GRM5: variants seen among roughly 807,000 people sequenced by gnomAD.
The protein encoded by GRM5 is glutamate metabotropic receptor 5, also known as metabotropic glutamate receptor 5.
A neutral mutation model predicts 83.1 loss-of-function variants in GRM5; 19 were observed. The observed-to-expected ratio is 0.23, with a 90% CI of 0.16 to 0.34. GRM5 has a LOEUF of 0.34. GRM5 is among the 10% of genes least tolerant of loss of function. The pLI is 1.00. For synonymous variants in GRM5, 675 were observed against 633.6 expected (o/e 1.07, Z -0.98); for missense variants, 1,160 against 1,588.3 (o/e 0.73, Z 4.58).
chr11:88,625,162 T>C (rs1938758382), intron 4 of GRM5, among the ~76,000 whole-genome samples: 1 of 152,180 alleles, frequency 6.6e-6, no homozygotes, highest in Admixed American at 6.5e-5. Context: ...TTGGCAGCTC[T>C]ACAGGGAACA....
chr11:88,761,792 G>A (rs117029678), intron 3 of GRM5, among the ~76,000 whole-genome samples: 1 of 151,994 alleles, frequency 6.6e-6, no homozygotes, highest in Non-Finnish European at 1.5e-5. Flanking sequence ...CACACTACCT[G>A]ACTTCCAGCT....
intron 4 of GRM5, among the ~76,000 whole-genome samples, chr11:88,649,217 CAT>C (rs1045039495): frequency 1.5e-5 from 2 of 136,884 alleles, no homozygotes; most frequent in Non-Finnish European, 3.1e-5. Flanking sequence ...CACATATACA[CAT>C]ATATGTATAT....
chr11:88,972,053 C>A (rs186339414), intron 2 of GRM5, among the ~76,000 whole-genome samples: 33 of 152,264 alleles, frequency 2.2e-4, no homozygotes, highest in Middle Eastern at 3.4e-3. Flanking sequence ...TGGACAAGCA[C>A]TGCCATCTTA....
rs376379545 is a variant in GRM5 at position 88,739,702 on chromosome 11, T to C, written c.912-86299A>G. Among the ~76,000 whole-genome samples the C allele has an allele frequency of 4.7e-4, 71 of 152,206 alleles. 3 individuals are homozygous for C. In the South Asian group the frequency reaches 0.015, roughly 32 times the overall value. ...GTTCCTCCTTCGCTCACACTTCTCT[T>C]TTCTGCCACCTTGTGAAGAAGGTAC... On this transcript the variant is annotated intron_variant, in intron 3 of 9. Transcript: ENST00000305447.
intron 3 of GRM5, among the ~76,000 whole-genome samples, chr11:88,751,856 G>A (rs942208017): frequency 3.9e-5 from 6 of 152,062 alleles, no homozygotes; most frequent in Admixed American, 6.6e-5. Flanking sequence ...AAAACCACAC[G>A]ATTATCCAAA....
At chr11:89,028,941 C>T (rs1941194753) in intron 2 of GRM5, among the ~76,000 whole-genome samples, 1 of 152,012 alleles carries the variant, frequency 6.6e-6, no homozygotes, top group Admixed American at 6.6e-5. Flanking sequence ...TTCCCCAGTC[C>T]CCCACCCCCC....
At chr11:88,928,350 CT>C (rs1348629190) in intron 2 of GRM5, among the ~76,000 whole-genome samples, 1 of 152,016 alleles carries the variant, frequency 6.6e-6, no homozygotes, top group African/African-American at 2.4e-5. Flanking sequence ...TGGTTCCACA[CT>C]TGTGGGTTGC....
At chr11:88,570,142 T>C (rs2135176093) in intron 7 of GRM5, among the ~76,000 whole-genome samples, 1 of 152,296 alleles carries the variant, frequency 6.6e-6, no homozygotes, top group East Asian at 1.9e-4. Flanking sequence ...CAGATAGTAC[T>C]ATTAGTACTA....
chr11:88,878,461 A>G (rs1023945577), intron 2 of GRM5, among the ~76,000 whole-genome samples: 8 of 152,152 alleles, frequency 5.3e-5, no homozygotes, highest in Non-Finnish European at 1.0e-4. Flanking sequence ...AGTACCACAG[A>G]AGGTCCCTAT....
intron 4 of GRM5, among the ~76,000 whole-genome samples, chr11:88,643,665 G>T (rs1186074761): frequency 6.6e-6 from 1 of 152,130 alleles, no homozygotes; most frequent in Non-Finnish European, 1.5e-5. Flanking sequence ...CTGGGTGTTA[G>T]CTGTAGCAGT....
intron 3 of GRM5, among the ~76,000 whole-genome samples, chr11:88,711,175 G>T (rs1941271945): frequency 6.6e-6 from 1 of 152,072 alleles, no homozygotes; most frequent in African/African-American, 2.4e-5. Flanking sequence ...AAGTTTGAAT[G>T]AAGAAGGGCT....
At chr11:88,897,836 G>A (rs547075127) in intron 2 of GRM5, among the ~76,000 whole-genome samples, 7 of 151,894 alleles carry the variant, frequency 4.6e-5, no homozygotes, top group Non-Finnish European at 7.4e-5. Context: ...ATCCTTAAAA[G>A]GTTTTGGTGA....
intron 2 of GRM5, among the ~76,000 whole-genome samples, chr11:88,996,787 T>C (rs1184779515): frequency 6.6e-6 from 1 of 152,192 alleles, no homozygotes; most frequent in Non-Finnish European, 1.5e-5. Context: ...CTTGAAATCA[T>C]GCAGAATGTG....
intron 4 of GRM5, among the ~76,000 whole-genome samples, chr11:88,633,208 C>T (rs1462434200): frequency 6.6e-6 from 1 of 152,098 alleles, no homozygotes. Flanking sequence ...AAAGAAATGG[C>T]TTTTCATTTT....
chr11:88,595,759 C>A (rs1937782132), intron 6 of GRM5, among the ~76,000 whole-genome samples: 1 of 152,162 alleles, frequency 6.6e-6, no homozygotes, highest in Non-Finnish European at 1.5e-5. Context: ...CCTTTCTCTT[C>A]CACTGACTAC....
intron 3 of GRM5, among the ~76,000 whole-genome samples, chr11:88,806,889 C>T (rs1441776590): frequency 6.6e-6 from 1 of 152,112 alleles, no homozygotes; most frequent in Non-Finnish European, 1.5e-5. Context: ...ATTTCTTTAC[C>T]CCTAAACTGT....
chr11:88,729,233 C>G (rs889396960), intron 3 of GRM5, among the ~76,000 whole-genome samples: 1 of 151,936 alleles, frequency 6.6e-6, no homozygotes, highest in Non-Finnish European at 1.5e-5. Flanking sequence ...ACACCATGAA[C>G]AGACAAACAG....
At chr11:89,065,285 A>ATC (rs1942076831) in intron 1 of GRM5, among the ~76,000 whole-genome samples, 1 of 65,770 alleles carries the variant, frequency 1.5e-5, no homozygotes, top group South Asian at 6.9e-4. Context: ...ATGTATTGGC[A>ATC]TCACACACAC....
At chr11:88,988,395 G>C (rs1387336909) in intron 2 of GRM5, among the ~76,000 whole-genome samples, 3 of 151,792 alleles carry the variant, frequency 2.0e-5, no homozygotes, top group African/African-American at 7.2e-5. Context: ...TGGTGTACCT[G>C]AAAGTGACGG....
Sources: gnomAD v4.1 joint callset for allele counts (sites outside exome capture counted in the v4.1 genomes callset) on GRCh38, gnomAD v4.1.1 for gene constraint, MANE v1.5 for transcripts, NCBI Gene and HGNC (gene_info 2026-07-23, HGNC 2026-07-21) for gene names.